The following FMN1 variants were observed in gnomAD, a reference collection of about 807,000 sequenced individuals.
FMN1 encodes formin-1.
A neutral mutation model predicts 132.4 loss-of-function variants in FMN1; 110 were observed. That is an observed-to-expected ratio of 0.83 (90% CI 0.71 to 0.97). FMN1 has a LOEUF of 0.97. Ranked by LOEUF, FMN1 falls within the 50% of genes least tolerant of loss-of-function variation. The pLI is 0.00. For missense variants in FMN1, 1,792 were observed against 1,705.3 expected (o/e 1.05, Z -0.90); for synonymous variants, 722 against 651.7 (o/e 1.11, Z -1.64).
At chr15:33,018,344 C>A (rs1474847723) in intron 6 of FMN1, among the ~76,000 whole-genome samples, 1 of 151,988 alleles carries the variant, frequency 6.6e-6, no homozygotes, top group Non-Finnish European at 1.5e-5. Flanking sequence ...GGGCAGGACA[C>A]CTGAAAGACC....
intron 4 of FMN1, among the ~76,000 whole-genome samples, chr15:33,099,558 A>G (rs2039215600): frequency 6.6e-6 from 1 of 152,224 alleles, no homozygotes; most frequent in South Asian, 2.1e-4. Context: ...GAATAGGAAA[A>G]TTGTCATAAC....
chr15:32,809,441 T>C (rs1299779731), intron 17 of FMN1, among the ~76,000 whole-genome samples: 1 of 152,194 alleles, frequency 6.6e-6, no homozygotes, highest in African/African-American at 2.4e-5. Flanking sequence ...GAAGACAAAG[T>C]GCATTTGCAG....
At chr15:33,097,248 G>T (rs1029512264) in intron 4 of FMN1, among the ~76,000 whole-genome samples, 1 of 151,352 alleles carries the variant, frequency 6.6e-6, no homozygotes, top group Non-Finnish European at 1.5e-5. Flanking sequence ...AGGCTGCAGT[G>T]AGCCAAGATC....
chr15:32,937,987 T>C (rs754463544), intron 9 of FMN1, among the ~76,000 whole-genome samples: 11 of 152,186 alleles, frequency 7.2e-5, no homozygotes, highest in Admixed American at 2.0e-4. Flanking sequence ...CTTTCTGAGA[T>C]TGGTTAGAAA....
At chr15:32,948,513 G>A (rs917291721) in intron 9 of FMN1, among the ~76,000 whole-genome samples, 1 of 151,836 alleles carries the variant, frequency 6.6e-6, no homozygotes, top group Non-Finnish European at 1.5e-5. Context: ...GCTGGACCTC[G>A]CATTTTGTGT....
chr15:32,817,848 TTTG>T (rs1301328655), intron 17 of FMN1, among the ~76,000 whole-genome samples: 2 of 152,216 alleles, frequency 1.3e-5, no homozygotes, highest in Non-Finnish European at 2.9e-5. Flanking sequence ...AGAAAAAGCT[TTTG>T]TTGAAGAAAA....
chr15:33,045,559 G>A (rs749310332), intron 6 of FMN1, among the ~76,000 whole-genome samples: 1 of 152,182 alleles, frequency 6.6e-6, no homozygotes, highest in Non-Finnish European at 1.5e-5. Flanking sequence ...CTTATGTTTT[G>A]AGCTATCCAA....
intron 12 of FMN1, among the ~76,000 whole-genome samples, chr15:32,904,119 A>T (rs910092032): frequency 2.0e-5 from 3 of 152,090 alleles, no homozygotes; most frequent in African/African-American, 7.2e-5. Flanking sequence ...ATAATCTGAG[A>T]AGTAAACCAA....
chr15:32,912,807 T>C (rs2060594855), intron 10 of FMN1, among the ~76,000 whole-genome samples: 1 of 152,130 alleles, frequency 6.6e-6, no homozygotes. Context: ...TCCTGACATG[T>C]TAAATTTTCT....
rs57504432 is a variant in FMN1 at position 33,075,020 on chromosome 15, CAAAAAAAAAA to C, written c.2044-9956_2044-9947del. 1.3e-3 allele frequency among the ~76,000 whole-genome samples: 78 copies of C among 61,690 alleles called. 1 individual carries two copies. The East Asian group carries it at 0.034, about 27-fold the overall frequency. 40.5% of individuals were successfully genotyped at this position (61,690 alleles called of 152,430 possible). On this transcript the variant is annotated intron_variant, in intron 5 of 20. Transcript: ENST00000616417. Reference sequence around the variant, plus strand: ...TGGGCAACTGAGCAAGATTCCATCTCAAAAAAAAAAAAAAAAAAAAAAAAAAAGAACAGAC... The same window carrying C: ...TGGGCAACTGAGCAAGATTCCATCTCAAAAAAAAAAAAAAAAAGAACAGAC...
At chr15:33,035,185 A>C (rs2036132407) in intron 6 of FMN1, among the ~76,000 whole-genome samples, 1 of 152,160 alleles carries the variant, frequency 6.6e-6, no homozygotes, top group South Asian at 2.1e-4. Context: ...GGCAGGTGTA[A>C]AACCTAACAT....
intron 3 of FMN1, among the ~76,000 whole-genome samples, chr15:33,172,370 T>C (rs114866874): frequency 2.6e-3 from 395 of 152,288 alleles, no homozygotes; most frequent in African/African-American, 9.0e-3. Flanking sequence ...GGTTCCATGA[T>C]AAAGTTAAGC....
At chr15:33,052,315 T>C (rs2037012953) in intron 6 of FMN1, among the ~76,000 whole-genome samples, 1 of 152,138 alleles carries the variant, frequency 6.6e-6, no homozygotes, top group African/African-American at 2.4e-5. Context: ...AAATGGTTAC[T>C]AGGAAGACTA....
chr15:32,971,430 A>G (rs767206341), intron 7 of FMN1, among the ~76,000 whole-genome samples: 3 of 152,214 alleles, frequency 2.0e-5, no homozygotes, highest in Non-Finnish European at 4.4e-5. Context: ...TCTACTACCG[A>G]TTACCTAAGT....
intron 6 of FMN1, among the ~76,000 whole-genome samples, chr15:33,017,002 T>A (rs1226794618): frequency 6.6e-6 from 1 of 152,244 alleles, no homozygotes; most frequent in Non-Finnish European, 1.5e-5. Context: ...AATCTTTTCA[T>A]GCCCTTGTGT....
At chr15:33,038,753 C>T (rs2036296116) in intron 6 of FMN1, among the ~76,000 whole-genome samples, 1 of 152,146 alleles carries the variant, frequency 6.6e-6, no homozygotes, top group African/African-American at 2.4e-5. Flanking sequence ...ATCATAGACT[C>T]ATTTGGAATG....
intron 16 of FMN1, among the ~76,000 whole-genome samples, chr15:32,879,134 A>G (rs1272789556): frequency 6.6e-6 from 1 of 152,250 alleles, no homozygotes; most frequent in African/African-American, 2.4e-5. Context: ...AAAAGTCACC[A>G]TGCCGATCCA....
chr15:32,883,283 G>A (rs1329609815), intron 16 of FMN1, among the ~76,000 whole-genome samples: 2 of 151,946 alleles, frequency 1.3e-5, no homozygotes, highest in Non-Finnish European at 2.9e-5. Flanking sequence ...CCGGAGGATC[G>A]CTTGAGCCCA....
intron 6 of FMN1, among the ~76,000 whole-genome samples, chr15:33,047,377 C>T (rs956816825): frequency 2.0e-5 from 3 of 152,044 alleles, no homozygotes; most frequent in Non-Finnish European, 4.4e-5. Flanking sequence ...AGTTTAAAAG[C>T]GAGAAATATT....
Sources: gnomAD v4.1 joint callset for allele counts (sites outside exome capture counted in the v4.1 genomes callset) on GRCh38, gnomAD v4.1.1 for gene constraint, MANE v1.5 for transcripts, NCBI Gene and HGNC (gene_info 2026-07-23, HGNC 2026-07-21) for gene names.